Variants in EFHC1 observed in about 807,000 individuals in gnomAD.
EFHC1 encodes the protein EF-hand domain containing 1.
A neutral mutation model predicts 69.9 loss-of-function variants in EFHC1; 53 were observed. The observed-to-expected ratio is 0.76, with a 90% confidence interval of 0.61 to 0.95. The LOEUF is 0.95. Among genes scored for constraint, EFHC1 ranks in the 40% least tolerant of loss-of-function variants. The probability of loss-of-function intolerance (pLI) is 0.00; values close to 1 mark genes in which losing one functional copy is unlikely to be tolerated. For synonymous variants in EFHC1, 256 were observed against 278.4 expected (o/e 0.92, Z 0.80); for missense variants, 739 against 798.7 (o/e 0.93, Z 0.90).
At chr6:52,444,485 G>A (rs1005856668) in intron 3 of EFHC1, among the ~76,000 whole-genome samples, 12 of 152,154 alleles carry the variant, frequency 7.9e-5, no homozygotes, top group Non-Finnish European at 1.5e-4. Context: ...TTTATTGAGA[G>A]GTTTTAGCAT....
chr6:52,473,535 C>G (rs1364204138), intron 7 of EFHC1, among the ~76,000 whole-genome samples: 3 of 152,172 alleles, frequency 2.0e-5, no homozygotes, highest in Admixed American at 2.0e-4. Context: ...AATCCCAGCA[C>G]TTTGGGAGAC....
rs1354692014 is a variant in EFHC1 at position 52,492,928 on chromosome 6, A to G, written c.*587A>G. On this transcript the variant is annotated 3_prime_UTR_variant, in exon 11 of 11. Transcript: ENST00000371068. ...CACTGTGCCCAGCCTCAGATATTTC[A>G]TTATTCTGGGGGTTTCTCTGAAGGT... is the stretch of plus-strand genomic sequence containing the variant. 8 of 453,980 alleles carry G rather than the reference A, an allele frequency of 1.8e-5. No homozygotes were observed. The East Asian group carries it at 5.6e-4, about 32-fold the overall frequency. 28.1% of individuals were successfully genotyped at this position (453,980 alleles called of 1,614,324 possible).
At chr6:52,478,985 A>T in intron 7 of EFHC1, 52 bp from the exon 8 acceptor site, 2 of 1,573,986 alleles carry the variant, frequency 1.3e-6, no homozygotes, top group Non-Finnish European at 1.7e-6. Context: ...AAGTTGGCAC[A>T]TCTGCATAGA....
At chr6:52,423,393 A>G (rs57488076) in intron 1 of EFHC1, among the ~76,000 whole-genome samples, 2,802 of 152,346 alleles carry the variant, frequency 0.018, 95 homozygotes, top group African/African-American at 0.064. Context: ...ATTGGGCATT[A>G]CAGAGCACAG....
intron 9 of EFHC1, chr6:52,480,018 G>A (rs2114024883): frequency 1.5e-6 from 1 of 683,210 alleles, no homozygotes; most frequent in Non-Finnish European, 2.4e-6. Flanking sequence ...GGGAGTTAGG[G>A]GTACCAGCCT....
chr6:52,453,525 C>A (rs1489486110), intron 4 of EFHC1: 1 of 1,285,330 alleles, frequency 7.8e-7, no homozygotes, highest in South Asian at 1.2e-5. Flanking sequence ...CTAGCACTAG[C>A]ATGGTCTTTT....
At chr6:52,424,681 A>G (rs1177812431) in intron 2 of EFHC1, among the ~76,000 whole-genome samples, 1 of 152,074 alleles carries the variant, frequency 6.6e-6, no homozygotes. Context: ...TTTGTTTCTC[A>G]TTTATCTTTA....
intron 4 of EFHC1, 156 bp from the exon 5 acceptor site, chr6:52,453,939 T>C (rs1764979077): frequency 1.7e-5 from 25 of 1,507,728 alleles, no homozygotes; most frequent in Non-Finnish European, 2.2e-5. Context: ...TTAGTATGTT[T>C]GATGAATATT....
At chr6:52,423,882 G>GT (rs1004039467) in intron 1 of EFHC1, 64 bp from the exon 2 acceptor site, 5,682 of 1,394,756 alleles carry the variant, frequency 4.1e-3, no homozygotes, top group Non-Finnish European at 4.6e-3. Flanking sequence ...TTAAAAGTTA[G>GT]TTTTTTTTTT....
intron 9 of EFHC1, chr6:52,480,180 ACGG>A: frequency 5.7e-6 from 2 of 348,916 alleles, no homozygotes; most frequent in Non-Finnish European, 1.0e-5. Flanking sequence ...TTCTTACAAT[ACGG>A]TAAGCTAGAG....
intron 9 of EFHC1, chr6:52,480,178 A>G (rs558486384): frequency 1.6e-5 from 6 of 363,688 alleles, no homozygotes; most frequent in African/African-American, 1.2e-4. Flanking sequence ...TATTCTTACA[A>G]TACGGTAAGC....
intron 2 of EFHC1, among the ~76,000 whole-genome samples, chr6:52,425,333 C>T (rs1023130614): frequency 6.6e-6 from 1 of 152,078 alleles, no homozygotes; most frequent in Non-Finnish European, 1.5e-5. Context: ...GCTGAAAATA[C>T]AAGAGAGAAG....
intron 9 of EFHC1, among the ~76,000 whole-genome samples, chr6:52,489,738 A>T (rs1405054706): frequency 6.6e-6 from 1 of 152,236 alleles, no homozygotes; most frequent in Non-Finnish European, 1.5e-5. Flanking sequence ...CTATATATTT[A>T]TATCTATCAT....
In EFHC1 at chr6:52,482,647, G is replaced by A. The variant is rs182819205; in HGVS notation, c.1640+2860G>A. 2.8e-5 allele frequency: 11 copies of A among 394,032 alleles called. No individual in the cohort carries two copies. In the Admixed American group the frequency reaches 4.4e-4, roughly 16 times the overall value. The allele number at this position is 394,032 out of a possible 1,614,324, so 24.4% of individuals were successfully genotyped here. A position where few individuals can be genotyped will look rare whatever the true frequency, so the allele number is the denominator to read the frequency against. Reference sequence around the variant, plus strand: ...ACATTTTATGATTTTTGCTTTCAATGTTATAAAATATGTCTTAGACTTCCT... The same window carrying A: ...ACATTTTATGATTTTTGCTTTCAATATTATAAAATATGTCTTAGACTTCCT... On this transcript the variant is annotated intron_variant, in intron 9 of 10. Coordinates refer to ENST00000371068, the MANE Select transcript of EFHC1 (RefSeq NM_018100.4).
At chr6:52,446,852 T>G (rs1764798727) in intron 3 of EFHC1, among the ~76,000 whole-genome samples, 1 of 152,252 alleles carries the variant, frequency 6.6e-6, no homozygotes, top group Non-Finnish European at 1.5e-5. Flanking sequence ...AATTCTGGAT[T>G]GAAAATTCTT....
chr6:52,490,334 A>C lies in EFHC1; in HGVS notation c.1835A>C (p.Asp612Ala), dbSNP rs765750690. Residue 612 changes from aspartate to alanine, a missense_variant, in exon 10 of 11, where the codon GAC becomes GCC. Asp to Ala is a moderately radical substitution (Grantham distance 126). Coordinates refer to ENST00000371068, the MANE Select transcript of EFHC1 (RefSeq NM_018100.4). ...GAATCGCTTAACGTCCCAGTGGATG[A>C]CTCCTTGGTTAAGGAGGTCAGTATG... is the stretch of plus-strand genomic sequence containing the variant. ...ICESLNVPVD[D>A]SLVKELIRMC... 3 of 1,613,908 alleles carry C rather than the reference A, an allele frequency of 1.9e-6. No individual in the cohort carries two copies. In the Admixed American group the frequency reaches 5.0e-5, roughly 27 times the overall value.
intron 10 of EFHC1, 85 bp from the exon 11 acceptor site, chr6:52,492,185 A>T: frequency 2.5e-6 from 3 of 1,186,854 alleles, no homozygotes; most frequent in Non-Finnish European, 3.8e-6. Context: ...AAGGCTCGGG[A>T]TCATTATGCA....
At chr6:52,485,965 G>A (rs1765777580) in intron 9 of EFHC1, 1 of 152,148 alleles carries the variant, frequency 6.6e-6, no homozygotes, top group Non-Finnish European at 1.5e-5. Flanking sequence ...CTCTTGTGAT[G>A]GGTCAGAGAG....
intron 5 of EFHC1, among the ~76,000 whole-genome samples, chr6:52,460,643 C>T (rs192399008): frequency 2.0e-5 from 3 of 152,020 alleles, no homozygotes; most frequent in African/African-American, 7.3e-5. Context: ...GTAACCCATA[C>T]CAGATGGAAG....
Sources: allele counts gnomAD v4.1 joint callset (sites outside exome capture counted in the v4.1 genomes callset), GRCh38; gene constraint gnomAD v4.1.1; transcripts MANE v1.5; gene names NCBI Gene and HGNC (gene_info 2026-07-23, HGNC 2026-07-21).